Variants in TMEM131 observed in about 807,000 individuals in gnomAD.
TMEM131 encodes transmembrane protein 131.
Under a neutral mutation model 211.6 loss-of-function variants are expected in TMEM131, and 66 were observed. The observed-to-expected ratio is 0.31, with a 90% CI of 0.26 to 0.38. The LOEUF (loss-of-function observed/expected upper bound fraction) is 0.38. Among genes scored for constraint, TMEM131 ranks in the 10% least tolerant of loss-of-function variants. TMEM131 has a pLI of 1.00. For synonymous variants in TMEM131, 844 were observed against 841.3 expected (o/e 1.00, Z -0.06); for missense variants, 2,036 against 2,299.3 (o/e 0.89, Z 2.34).
chr2:97,891,004 C>A lies in TMEM131; in HGVS notation c.291-2884G>T, dbSNP rs982310425. 2.0e-5 allele frequency among the ~76,000 whole-genome samples: 3 copies of A among 152,080 alleles called. No homozygotes were observed. The East Asian group carries it at 5.8e-4, about 29-fold the overall frequency. On this transcript the variant is annotated intron_variant, in intron 3 of 40. Transcript: ENST00000186436. ...TATATCTAAGGAACAGTTTAATATC[C>A]GAGTGAGTACGATACAAGTTGACAC... is the stretch of plus-strand genomic sequence containing the variant.
At chr2:97,994,367 G>C (rs1651086682) in intron 1 of TMEM131, among the ~76,000 whole-genome samples, 1 of 152,208 alleles carries the variant, frequency 6.6e-6, no homozygotes, top group South Asian at 2.1e-4. Context: ...TGCTTAGAGA[G>C]TTAGATAAGG....
At chr2:97,991,737 G>C (rs1302906189) in intron 1 of TMEM131, among the ~76,000 whole-genome samples, 1 of 152,168 alleles carries the variant, frequency 6.6e-6, no homozygotes. Context: ...GTCTGGCAAG[G>C]CCAATCAGAG....
chr2:97,810,451 T>G (rs952290854), intron 18 of TMEM131, among the ~76,000 whole-genome samples: 10 of 152,376 alleles, frequency 6.6e-5, no homozygotes, highest in African/African-American at 2.4e-4. Context: ...GTTTATTTTA[T>G]AATTACATTT....
intron 35 of TMEM131, 200 bp from the exon 36 acceptor site, chr2:97,762,400 A>T (rs1031750082): frequency 1.7e-5 from 9 of 528,478 alleles, no homozygotes; most frequent in Non-Finnish European, 3.0e-5. Flanking sequence ...ATTTGAGGGG[A>T]GCAAGAGCGT....
chr2:97,912,698 C>G (rs1218142925), intron 2 of TMEM131, among the ~76,000 whole-genome samples: 1 of 152,132 alleles, frequency 6.6e-6, no homozygotes, highest in Non-Finnish European at 1.5e-5. Flanking sequence ...TCCTACCTCC[C>G]CATCCCCAAA....
chr2:97,843,712 A>G (rs1005142785), intron 6 of TMEM131, among the ~76,000 whole-genome samples: 3 of 152,098 alleles, frequency 2.0e-5, no homozygotes, highest in Admixed American at 6.5e-5. Flanking sequence ...TTACTATATG[A>G]CTCCTATATA....
chr2:97,885,968 T>C (rs1238451763), intron 4 of TMEM131, among the ~76,000 whole-genome samples: 3 of 152,198 alleles, frequency 2.0e-5, no homozygotes, highest in Non-Finnish European at 2.9e-5. Flanking sequence ...CACCCTTTTT[T>C]CTTTTTTTGT....
Position 97,757,247 on chromosome 2 carries a change from T to G in TMEM131, c.5504A>C (p.Glu1835Ala). 6.2e-7 allele frequency: 1 copy of G among 1,613,990 alleles called. No individual in the cohort carries two copies. Among genetic ancestry groups the G allele is most frequent in the Non-Finnish European group, 8.5e-7 (1 of 1,179,892 alleles). Residue 1835 changes from glutamate to alanine, a missense_variant, in exon 41 of 41, where the codon GAA becomes GCA. Glu to Ala is a moderately radical substitution (Grantham distance 107). Around this residue, in one of 3 missense-constraint regions of TMEM131, gnomAD observed 1,623 missense variants for 1,805.9 expected, o/e 0.90. Coordinates refer to ENST00000186436, the MANE Select transcript of TMEM131 (RefSeq NM_015348.2). ...TLASIGLMGT[E>A]NSPAPHAPST... ...GGGAGCGTGAGGAGCAGGGGAGTTT[T>G]CTGTGCCCATGAGGCCGATGCTTGC...
rs559043693 is a variant in TMEM131 at position 97,981,369 on chromosome 2, C to A, written c.187+14107G>T. On this transcript the variant is annotated intron_variant, in intron 1 of 40. Transcript: ENST00000186436. The stretch of plus-strand genomic sequence containing the variant: ...AAAAATGAGATTGCTAGGTGAAAAC[C>A]GTAACATATATGTAATTTTGTTAGA... 8.6e-4 allele frequency among the ~76,000 whole-genome samples: 131 copies of A among 152,162 alleles called. 2 individuals are homozygous for A. The South Asian group carries it at 0.016, about 19-fold the overall frequency.
At chr2:97,826,982 G>A (rs1418889874) in intron 11 of TMEM131, among the ~76,000 whole-genome samples, 1 of 148,974 alleles carries the variant, frequency 6.7e-6, no homozygotes, top group Non-Finnish European at 1.5e-5. Context: ...AGACCTAGGA[G>A]GAACTCCCTT....
intron 5 of TMEM131, among the ~76,000 whole-genome samples, chr2:97,846,738 T>C (rs2105121480): frequency 6.6e-6 from 1 of 152,090 alleles, no homozygotes; most frequent in East Asian, 1.9e-4. Flanking sequence ...TTCTTCTTCT[T>C]CCAATGTGCC....
chr2:97,797,618 G>T, intron 25 of TMEM131, 102 bp from the exon 26 acceptor site: 1 of 1,003,668 alleles, frequency 1.0e-6, no homozygotes, highest in Non-Finnish European at 1.4e-6. Flanking sequence ...TTCTCAAACT[G>T]ATTAAATGCA....
At chr2:97,972,689 T>C (rs1272328901) in intron 1 of TMEM131, among the ~76,000 whole-genome samples, 1 of 152,138 alleles carries the variant, frequency 6.6e-6, no homozygotes, top group Non-Finnish European at 1.5e-5. Flanking sequence ...AAGGCTCTAA[T>C]CAGCTGATGT....
chr2:97,780,934 G>C (rs1314488231), intron 31 of TMEM131, among the ~76,000 whole-genome samples: 2 of 152,154 alleles, frequency 1.3e-5, no homozygotes, highest in Non-Finnish European at 2.9e-5. Context: ...GGCAGAGAAG[G>C]AATCTTGGTA....
At chr2:97,935,175 C>T (rs192804251) in intron 1 of TMEM131, among the ~76,000 whole-genome samples, 1 of 152,198 alleles carries the variant, frequency 6.6e-6, no homozygotes, top group East Asian at 1.9e-4. Flanking sequence ...CAGAAAAGAA[C>T]AATCCAATAA....
intron 22 of TMEM131, 58 bp from the exon 23 acceptor site, chr2:97,802,848 A>G (rs1365523493): frequency 2.8e-6 from 4 of 1,415,550 alleles, no homozygotes; most frequent in Non-Finnish European, 3.8e-6. Context: ...TCTTCTGAAC[A>G]TAAGAAATTC....
chr2:97,963,018 C>T (rs559782321), intron 1 of TMEM131, among the ~76,000 whole-genome samples: 1 of 152,152 alleles, frequency 6.6e-6, no homozygotes, highest in Non-Finnish European at 1.5e-5. Context: ...GAGGAAAAGG[C>T]ACTGATTGCT....
At chr2:97,921,759 T>C (rs1161118597) in intron 2 of TMEM131, among the ~76,000 whole-genome samples, 1 of 152,110 alleles carries the variant, frequency 6.6e-6, no homozygotes, top group Non-Finnish European at 1.5e-5. Context: ...ACTTAACGGA[T>C]GTCACAAAGG....
intron 1 of TMEM131, among the ~76,000 whole-genome samples, chr2:97,960,154 A>ATAAG (rs141289977): frequency 0.75 from 113,557 of 151,630 alleles, 44,172 homozygotes; most frequent in African/African-American, 0.87. Context: ...TTTGTAATAG[A>ATAAG]TAATTCATAA....
Sources: gnomAD v4.1 joint callset for allele counts (sites outside exome capture counted in the v4.1 genomes callset) on GRCh38, gnomAD v4.1.1 for gene constraint, gnomAD v4.1.1 regional missense constraint, MANE v1.5 for transcripts, NCBI Gene and HGNC (gene_info 2026-07-23, HGNC 2026-07-21) for gene names.